GALNT13: variants seen among roughly 807,000 people sequenced by gnomAD.
GALNT13 encodes the protein polypeptide N-acetylgalactosaminyltransferase 13, also known as UDP-GalNAc:polypeptide N-acetylgalactosaminyltransferase 13.
A neutral mutation model predicts 64.2 loss-of-function variants in GALNT13; 28 were observed. The observed-to-expected ratio is 0.44, with a 90% CI of 0.32 to 0.60. The LOEUF (loss-of-function observed/expected upper bound fraction) is 0.60, where lower values mean the gene tolerates loss of function less well. GALNT13 is among the 20% of genes least tolerant of loss of function. The pLI is 0.05. For missense variants in GALNT13, 577 were observed against 669.8 expected (o/e 0.86, Z 1.53); for synonymous variants, 214 against 224.6 (o/e 0.95, Z 0.42).
At chr2:153,937,703 G>A (rs1321459263) in intron 2 of GALNT13, among the ~76,000 whole-genome samples, 1 of 152,184 alleles carries the variant, frequency 6.6e-6, no homozygotes, top group East Asian at 1.9e-4. Flanking sequence ...GTCTATAGTT[G>A]TAGTGGTGGA....
At chr2:153,889,590 C>T (rs1687414262) in intron 1 of GALNT13, among the ~76,000 whole-genome samples, 3 of 151,946 alleles carry the variant, frequency 2.0e-5, no homozygotes, top group African/African-American at 4.8e-5. Flanking sequence ...TACTATAATT[C>T]ACTAAATACC....
the GALNT13 span, among the ~76,000 whole-genome samples, chr2:153,269,599 T>C: frequency 1.3e-5 from 2 of 152,188 alleles, no homozygotes; most frequent in African/African-American, 4.8e-5. Context: ...CAAAGTTGCT[T>C]CCACATTTTC....
chr2:153,347,114 G>A, the GALNT13 span, among the ~76,000 whole-genome samples: 1 of 152,212 alleles, frequency 6.6e-6, no homozygotes, highest in Non-Finnish European at 1.5e-5. Flanking sequence ...AGTGATACAT[G>A]TATACTCTAA....
At chr2:153,137,721 T>C in the GALNT13 span, among the ~76,000 whole-genome samples, 1 of 141,812 alleles carries the variant, frequency 7.1e-6, no homozygotes, top group East Asian at 2.1e-4. Flanking sequence ...TGATGGAGCC[T>C]CAAAAAAAAA....
chr2:153,734,291 G>A, the GALNT13 span, among the ~76,000 whole-genome samples: 1 of 152,130 alleles, frequency 6.6e-6, no homozygotes, highest in East Asian at 1.9e-4. Context: ...TCTCTCATGT[G>A]TGAACTCTTC....
the GALNT13 span, among the ~76,000 whole-genome samples, chr2:153,854,340 G>C: frequency 6.6e-6 from 1 of 152,102 alleles, no homozygotes; most frequent in African/African-American, 2.4e-5. Context: ...AGCACTTTGG[G>C]AGGCTGAGGT....
Position 153,922,563 on chromosome 2 carries a change from C to G in GALNT13, c.-105+21556C>G, listed in dbSNP as rs570183891. Among the ~76,000 whole-genome samples the G allele has an allele frequency of 2.6e-5, 4 of 152,210 alleles. No individual in the cohort carries two copies. In the South Asian group the frequency reaches 8.3e-4, roughly 32 times the overall value. On this transcript the variant is annotated intron_variant, in intron 2 of 12. Transcript: ENST00000392825. ...AATTAGAAAAGCTGTCTGTTAGTAA[C>G]TAATTGCTTCTCCCTGCTATCAAAC...
chr2:153,285,540 A>C, the GALNT13 span, among the ~76,000 whole-genome samples: 1 of 152,188 alleles, frequency 6.6e-6, no homozygotes, highest in Non-Finnish European at 1.5e-5. Flanking sequence ...GTAGAAGAAA[A>C]GGATAATATT....
At chr2:154,153,016 A>G (rs1004586564) in intron 4 of GALNT13, among the ~76,000 whole-genome samples, 3 of 152,122 alleles carry the variant, frequency 2.0e-5, no homozygotes, top group African/African-American at 7.2e-5. Flanking sequence ...TCTGCTTTTT[A>G]GAGTTTCCAG....
chr2:153,884,833 G>A (rs1480727078), intron 1 of GALNT13, among the ~76,000 whole-genome samples: 1 of 103,926 alleles, frequency 9.6e-6, no homozygotes, highest in African/African-American at 4.5e-5. Flanking sequence ...ATATATGTGT[G>A]TGTGTGTGTG....
the GALNT13 span, among the ~76,000 whole-genome samples, chr2:153,379,598 G>A: frequency 1.3e-5 from 2 of 152,162 alleles, no homozygotes; most frequent in African/African-American, 4.8e-5. Flanking sequence ...GGATATGTAA[G>A]ATAAATGATG....
At chr2:153,074,478 A>G in the GALNT13 span, among the ~76,000 whole-genome samples, 1 of 152,178 alleles carries the variant, frequency 6.6e-6, no homozygotes, top group Non-Finnish European at 1.5e-5. Flanking sequence ...TGTGAACATC[A>G]GAGTATACTT....
the GALNT13 span, among the ~76,000 whole-genome samples, chr2:153,535,673 A>T: frequency 0.38 from 58,044 of 151,088 alleles, 11,064 homozygotes; most frequent in South Asian, 0.54. Context: ...AAGTGGTAAA[A>T]GTATTGTCCA....
the GALNT13 span, among the ~76,000 whole-genome samples, chr2:153,481,733 T>C: frequency 3.9e-5 from 6 of 152,326 alleles, no homozygotes; most frequent in South Asian, 1.2e-3. Flanking sequence ...TCTGTAAAGG[T>C]ATTTTTACAG....
chr2:154,015,607 A>C (rs1051758786), intron 3 of GALNT13, among the ~76,000 whole-genome samples: 2 of 152,166 alleles, frequency 1.3e-5, no homozygotes, highest in African/African-American at 4.8e-5. Context: ...TTTTCTGTCC[A>C]CTTGAAAATT....
the GALNT13 span, among the ~76,000 whole-genome samples, chr2:153,230,033 G>T: frequency 6.6e-6 from 1 of 152,030 alleles, no homozygotes; most frequent in African/African-American, 2.4e-5. Context: ...ACTTGATAGA[G>T]GCATTAAATA....
the GALNT13 span, among the ~76,000 whole-genome samples, chr2:153,833,709 C>T: frequency 0.048 from 7,327 of 152,094 alleles, 224 homozygotes; most frequent in East Asian, 0.13. Flanking sequence ...CAAGGGAAGA[C>T]TACTTTATAC....
the GALNT13 span, among the ~76,000 whole-genome samples, chr2:153,224,502 T>A: frequency 6.6e-6 from 1 of 151,382 alleles, no homozygotes; most frequent in Non-Finnish European, 1.5e-5. Context: ...GAATTTTTTT[T>A]AAAATTGGAG....
chr2:154,448,765 G>T (rs1300948721), intron 12 of GALNT13, among the ~76,000 whole-genome samples: 1 of 151,976 alleles, frequency 6.6e-6, no homozygotes, highest in Admixed American at 6.6e-5. Context: ...ATTGATCAAA[G>T]CATTCAACTA....
Sources: allele counts gnomAD v4.1 joint callset (sites outside exome capture counted in the v4.1 genomes callset), GRCh38; gene constraint gnomAD v4.1.1; transcripts MANE v1.5; gene names NCBI Gene and HGNC (gene_info 2026-07-23, HGNC 2026-07-21).